Variants in TNRC6B observed in about 807,000 individuals in gnomAD.
The protein encoded by TNRC6B is trinucleotide repeat-containing gene 6B protein.
Under a neutral mutation model 203.6 loss-of-function variants are expected in TNRC6B, and 52 were observed. That is an observed-to-expected ratio of 0.26 (90% CI 0.20 to 0.32). The LOEUF is 0.32. Among genes scored for constraint, TNRC6B ranks in the 10% least tolerant of loss-of-function variants. The probability of loss-of-function intolerance (pLI) is 1.00; values close to 1 mark genes in which losing one functional copy is unlikely to be tolerated. For synonymous variants in TNRC6B, 838 were observed against 845.7 expected (o/e 0.99, Z 0.16); for missense variants, 1,923 against 2,286.2 (o/e 0.84, Z 3.24).
chr22:40,173,189 C>G (rs775578372), upstream of TNRC6B, among the ~76,000 whole-genome samples: 1 of 152,044 alleles, frequency 6.6e-6, no homozygotes, highest in Non-Finnish European at 1.5e-5. Flanking sequence ...CTCCACCTCG[C>G]GGATTCAAGC....
intron 1 of TNRC6B, among the ~76,000 whole-genome samples, chr22:40,239,369 A>G (rs903467577): frequency 1.3e-5 from 2 of 152,194 alleles, no homozygotes; most frequent in African/African-American, 4.8e-5. Context: ...AAGTCACTTC[A>G]GGTGCTCTGA....
Position 40,185,210 on chromosome 22 carries a change from T to C in TNRC6B, c.5+7070T>C, listed in dbSNP as rs145057334. Among the ~76,000 whole-genome samples the C allele has an allele frequency of 4.6e-3, 697 of 152,224 alleles. 6 individuals carry two copies. The highest frequency in any genetic ancestry group is 0.015 in the African/African-American group (638 of 41,536). On this transcript the variant is annotated intron_variant, in intron 1 of 22. Transcript: ENST00000454349. Reference sequence around the variant, plus strand: ...TTCACCATGTTGGCCAAAATGGTCTTGTTCTCTTTACCTTGTGATCCACCC... The same window carrying C: ...TTCACCATGTTGGCCAAAATGGTCTCGTTCTCTTTACCTTGTGATCCACCC...
At chr22:40,050,664 A>G (rs534172303) in intron 1 of TNRC6B, among the ~76,000 whole-genome samples, 1 of 152,228 alleles carries the variant, frequency 6.6e-6, no homozygotes, top group African/African-American at 2.4e-5. Context: ...ACAATTCATG[A>G]TTCAGGACCA....
At chr22:40,283,747 A>G (rs1028778806) in intron 11 of TNRC6B, among the ~76,000 whole-genome samples, 3 of 152,146 alleles carry the variant, frequency 2.0e-5, no homozygotes, top group East Asian at 1.9e-4. Flanking sequence ...GAGGGTGGAA[A>G]TTGTCTACTG....
chr22:40,133,041 C>A (rs932729887), intron 3 of TNRC6B, among the ~76,000 whole-genome samples: 4 of 145,382 alleles, frequency 2.8e-5, no homozygotes, highest in African/African-American at 1.0e-4. Context: ...TGGCCTGATT[C>A]CCGTAGAGAG....
intron 1 of TNRC6B, among the ~76,000 whole-genome samples, chr22:40,179,726 T>G (rs995364070): frequency 1.3e-5 from 2 of 152,196 alleles, no homozygotes; most frequent in Non-Finnish European, 2.9e-5. Flanking sequence ...TTTTGAAAAT[T>G]TGACAGTCTG....
intron 2 of TNRC6B, among the ~76,000 whole-genome samples, chr22:40,124,108 C>T (rs2068467242): frequency 6.6e-6 from 1 of 152,176 alleles, no homozygotes; most frequent in Middle Eastern, 3.4e-3. Flanking sequence ...CATTTGTTCC[C>T]AACAAGACCT....
At chr22:40,205,784 C>T (rs754669071) in intron 1 of TNRC6B, among the ~76,000 whole-genome samples, 5 of 152,074 alleles carry the variant, frequency 3.3e-5, no homozygotes, top group Non-Finnish European at 7.4e-5. Context: ...GTTTTGAATC[C>T]ACAAGTGCAG....
chr22:40,258,552 G>A (rs2070321524), intron 3 of TNRC6B, among the ~76,000 whole-genome samples: 1 of 152,144 alleles, frequency 6.6e-6, no homozygotes, highest in African/African-American at 2.4e-5. Flanking sequence ...TATGACTAAG[G>A]TGGTGTCTTG....
chr22:40,136,730 T>C (rs2146334373), intron 3 of TNRC6B, among the ~76,000 whole-genome samples: 1 of 152,178 alleles, frequency 6.6e-6, no homozygotes, highest in Non-Finnish European at 1.5e-5. Context: ...ATATTTATAA[T>C]AAAACAATAA....
At chr22:40,170,896 C>G (rs2068985602) in intron 4 of TNRC6B, among the ~76,000 whole-genome samples, 1 of 134,446 alleles carries the variant, frequency 7.4e-6, no homozygotes, top group Non-Finnish European at 1.6e-5. Context: ...TACATATATA[C>G]CTATATATGT....
At chr22:40,227,175 A>G (rs2069800519) in intron 1 of TNRC6B, among the ~76,000 whole-genome samples, 1 of 148,912 alleles carries the variant, frequency 6.7e-6, no homozygotes, top group Non-Finnish European at 1.5e-5. Flanking sequence ...CAAACTCCTG[A>G]CCTCAAGTGA....
intron 3 of TNRC6B, among the ~76,000 whole-genome samples, chr22:40,147,049 G>T (rs1224446152): frequency 6.6e-6 from 1 of 152,166 alleles, no homozygotes; most frequent in African/African-American, 2.4e-5. Context: ...TGATCCAAGT[G>T]TCCATGGAAG....
rs1240930293 is a variant in TNRC6B at position 40,246,082 on chromosome 22, A to G, written c.73A>G (p.Lys25Glu). 1.3e-6 allele frequency: 2 copies of G among 1,549,024 alleles called. No individual in the cohort carries two copies. The highest frequency in any genetic ancestry group is 1.7e-6 in the Non-Finnish European group (2 of 1,146,000). Residue 25 changes from lysine to glutamate, a missense_variant, in exon 2 of 23, where the codon AAA becomes GAA. Around this residue, in one of 8 missense-constraint regions of TNRC6B, gnomAD observed 111 missense variants for 155.3 expected, o/e 0.71. Transcript: ENST00000454349. Reference protein sequence around the residue: ...DKKRKKEDKKKKEATQKVTEQ... With the variant: ...DKKRKKEDKKEKEATQKVTEQ... ...GAAAAGGAAGAAAGAGGATAAAAAG[A>G]AAAAAGAAGCCACTCAGAAGGTAGG... is the stretch of plus-strand genomic sequence containing the variant.
intron 16 of TNRC6B, among the ~76,000 whole-genome samples, 154 bp from the exon 17 acceptor site, chr22:40,310,663 C>T (rs6001875): frequency 7.9e-5 from 12 of 152,282 alleles, no homozygotes; most frequent in African/African-American, 2.9e-4. Flanking sequence ...CTTAGTAATT[C>T]TGTGCTGAGT....
rs58126747 is a variant in TNRC6B, at chr22:40,171,040, G to GTA, written c.113+14869_113+14870dup. ...ATATGACATATACACCTATATAGGTGTATATATATATACACATACATGTAT... is the reference window on the plus strand; with the variant it reads ...ATATGACATATACACCTATATAGGTGTATATATATATATACACATACATGTAT... On this transcript the variant is annotated intron_variant, in intron 4 of 23. Coordinates refer to the TNRC6B transcript ENST00000301923. Among the ~76,000 whole-genome samples, 184 of 145,986 alleles carry GTA rather than the reference G, an allele frequency of 1.3e-3. 1 individual carries two copies. Among genetic ancestry groups the GTA allele is most frequent in the Admixed American group, 2.3e-3 (34 of 14,532 alleles).
chr22:40,061,631 T>G (rs1380501458), intron 1 of TNRC6B, among the ~76,000 whole-genome samples: 2 of 151,108 alleles, frequency 1.3e-5, no homozygotes, highest in Admixed American at 6.6e-5. Context: ...TTTTCTGCCT[T>G]CCTTTTCCCT....
In TNRC6B at chr22:40,075,158, T is replaced by TA. The variant is rs57939511; in HGVS notation, c.-121+30160_-121+30161insA. ...TGTTCATATATATATATATATATATTTTTTTTTTTTTTTTTTTTTTTCTTA... is the reference window on the plus strand; with the variant it reads ...TGTTCATATATATATATATATATATTATTTTTTTTTTTTTTTTTTTTTCTTA... On this transcript the variant is annotated intron_variant, in intron 1 of 23. Transcript: ENST00000301923. 8.7e-3 allele frequency among the ~76,000 whole-genome samples: 495 copies of TA among 56,810 alleles called. 1 individual carries two copies. The highest frequency in any genetic ancestry group is 0.036 in the East Asian group (88 of 2,416). The allele number at this position is 56,810 out of a possible 152,430, so 37.3% of individuals were successfully genotyped here.
intron 12 of TNRC6B, among the ~76,000 whole-genome samples, chr22:40,288,951 T>A (rs1362523871): frequency 1.3e-5 from 2 of 149,420 alleles, no homozygotes; most frequent in African/African-American, 5.0e-5. Context: ...GTAGCTAGGA[T>A]TACAAGCATG....
Sources: gnomAD v4.1 joint callset for allele counts (sites outside exome capture counted in the v4.1 genomes callset) on GRCh38, gnomAD v4.1.1 for gene constraint, gnomAD v4.1.1 regional missense constraint, MANE v1.5 for transcripts, NCBI Gene and HGNC (gene_info 2026-07-23, HGNC 2026-07-21) for gene names.